CSMD1: variants seen among roughly 807,000 people sequenced by gnomAD.
CSMD1 encodes CUB and Sushi multiple domains 1.
A neutral mutation model predicts 417.5 loss-of-function variants in CSMD1; 213 were observed. The observed-to-expected ratio is 0.51, with a 90% CI of 0.46 to 0.57. The LOEUF (loss-of-function observed/expected upper bound fraction) is 0.57, where lower values mean the gene tolerates loss of function less well. CSMD1 is among the 20% of genes least tolerant of loss of function. The pLI, the probability that CSMD1 is intolerant of heterozygous loss-of-function variation, is 0.00. For synonymous variants in CSMD1, 2,862 were observed against 1,736.8 expected (o/e 1.65, Z -16.11); for missense variants, 6,923 against 4,529.7 (o/e 1.53, Z -15.17).
At chr8:3,887,239 C>T (rs1178637696) in intron 5 of CSMD1, among the ~76,000 whole-genome samples, 1 of 152,182 alleles carries the variant, frequency 6.6e-6, no homozygotes, top group Non-Finnish European at 1.5e-5. Context: ...ATGAGAAGGA[C>T]ATCAATGTTC....
At chr8:2,948,028 C>T (rs1802370217) in intron 68 of CSMD1, among the ~76,000 whole-genome samples, 1 of 150,694 alleles carries the variant, frequency 6.6e-6, no homozygotes, top group Non-Finnish European at 1.5e-5. Flanking sequence ...GTAATCATTA[C>T]AAAATTGTAC....
chr8:3,715,852 C>G (rs1381150938), intron 6 of CSMD1, among the ~76,000 whole-genome samples: 2 of 152,118 alleles, frequency 1.3e-5, no homozygotes, highest in Admixed American at 1.3e-4. Context: ...CTGCAAACAG[C>G]TTTTTAAAAG....
chr8:4,268,665 C>T (rs1213167919), intron 3 of CSMD1, among the ~76,000 whole-genome samples: 2 of 151,794 alleles, frequency 1.3e-5, no homozygotes, highest in Non-Finnish European at 2.9e-5. Flanking sequence ...ATTCCAAGTA[C>T]ATACAAAATA....
intron 3 of CSMD1, among the ~76,000 whole-genome samples, chr8:4,293,956 G>T (rs1273372437): frequency 6.6e-6 from 1 of 151,840 alleles, no homozygotes; most frequent in Non-Finnish European, 1.5e-5. Flanking sequence ...CTTTCTACAA[G>T]TTCTAAAGCT....
At chr8:4,470,991 T>C (rs1336292233) in intron 2 of CSMD1, among the ~76,000 whole-genome samples, 1 of 152,224 alleles carries the variant, frequency 6.6e-6, no homozygotes, top group Non-Finnish European at 1.5e-5. Flanking sequence ...TATTTGAGCA[T>C]TACATACTTT....
At chr8:3,392,757 C>A (rs549849432) in intron 17 of CSMD1, among the ~76,000 whole-genome samples, 1 of 152,240 alleles carries the variant, frequency 6.6e-6, no homozygotes, top group Admixed American at 6.5e-5. Flanking sequence ...TGTTAGTGCA[C>A]TATGATGTTT....
intron 13 of CSMD1, among the ~76,000 whole-genome samples, chr8:3,408,693 C>G (rs17066020): frequency 0.14 from 20,628 of 151,800 alleles, 1,454 homozygotes; most frequent in East Asian, 0.2. Context: ...ACAGGGTAAA[C>G]ATGAATAAAT....
At chr8:4,009,071 T>C (rs1585124682) in intron 4 of CSMD1, among the ~76,000 whole-genome samples, 2 of 152,226 alleles carry the variant, frequency 1.3e-5, no homozygotes, top group Admixed American at 1.3e-4. Flanking sequence ...TATCATAAAA[T>C]TCTGCATTTG....
At chr8:3,608,244 G>C (rs1249279455) in intron 8 of CSMD1, among the ~76,000 whole-genome samples, 1 of 152,096 alleles carries the variant, frequency 6.6e-6, no homozygotes, top group Non-Finnish European at 1.5e-5. Flanking sequence ...ACCTGCAGAG[G>C]AGGTAGTGTC....
At chr8:3,182,457 T>C (rs1352128851) in intron 36 of CSMD1, among the ~76,000 whole-genome samples, 1 of 152,046 alleles carries the variant, frequency 6.6e-6, no homozygotes, top group East Asian at 1.9e-4. Context: ...TCAAGTGATC[T>C]GCTTGCCTCG....
At chr8:4,620,576 G>T (rs563240808) in intron 2 of CSMD1, among the ~76,000 whole-genome samples, 2 of 151,872 alleles carry the variant, frequency 1.3e-5, no homozygotes, top group East Asian at 1.9e-4. Context: ...TTTAACTGCA[G>T]TAGAATTAAA....
intron 8 of CSMD1, among the ~76,000 whole-genome samples, chr8:3,605,094 A>C (rs941074161): frequency 6.1e-4 from 93 of 152,266 alleles, no homozygotes; most frequent in Middle Eastern, 3.4e-3. Flanking sequence ...TCCCAGGTTC[A>C]AGTGATTCTC....
At chr8:3,532,793 C>T (rs1257815701) in intron 10 of CSMD1, among the ~76,000 whole-genome samples, 2 of 152,258 alleles carry the variant, frequency 1.3e-5, no homozygotes, top group East Asian at 3.9e-4. Flanking sequence ...AACTTCTTGA[C>T]ATATAATCTA....
intron 12 of CSMD1, among the ~76,000 whole-genome samples, chr8:3,414,314 T>G (rs1005848262): frequency 2.0e-5 from 3 of 146,700 alleles, no homozygotes; most frequent in Non-Finnish European, 4.5e-5. Flanking sequence ...ACGGAAAATA[T>G]TGTTTAAGGA....
chr8:4,340,855 G>A (rs1347862181), intron 3 of CSMD1, among the ~76,000 whole-genome samples: 2 of 151,962 alleles, frequency 1.3e-5, no homozygotes, highest in Non-Finnish European at 2.9e-5. Context: ...TAATTACACT[G>A]TACTATTTTT....
chr8:4,734,932 G>C (rs904000702), intron 1 of CSMD1, among the ~76,000 whole-genome samples: 2 of 152,146 alleles, frequency 1.3e-5, no homozygotes, highest in African/African-American at 4.8e-5. Context: ...TCTGGCTTTA[G>C]CAAACTACTC....
chr8:4,815,911 T>C (rs867855628), intron 1 of CSMD1, among the ~76,000 whole-genome samples: 49 of 152,186 alleles, frequency 3.2e-4, no homozygotes, highest in African/African-American at 1.1e-3. Context: ...CTAGGCTTTC[T>C]AGGAAGTAGA....
At chr8:3,144,801 G>A (rs993344380) in intron 40 of CSMD1, among the ~76,000 whole-genome samples, 6 of 139,974 alleles carry the variant, frequency 4.3e-5, no homozygotes, top group African/African-American at 1.3e-4. Context: ...ACAAGGGGGG[G>A]GGGGAGGGAG....
intron 2 of CSMD1, among the ~76,000 whole-genome samples, chr8:4,484,534 C>T (rs1011835970): frequency 2.6e-5 from 4 of 152,026 alleles, no homozygotes; most frequent in Non-Finnish European, 4.4e-5. Flanking sequence ...TCTCACAACA[C>T]CCCACACTCA....
Sources: gnomAD v4.1 joint callset for allele counts (sites outside exome capture counted in the v4.1 genomes callset) on GRCh38, gnomAD v4.1.1 for gene constraint, MANE v1.5 for transcripts, NCBI Gene and HGNC (gene_info 2026-07-23, HGNC 2026-07-21) for gene names.